KIAA1671: variants seen among roughly 807,000 people sequenced by gnomAD.
KIAA1671 encodes KIAA1671.
In KIAA1671, 52 loss-of-function variants were observed where a neutral mutation model predicts 131.2. The observed-to-expected ratio is 0.40, with a 90% CI of 0.32 to 0.50. The LOEUF is 0.50. Among genes scored for constraint, KIAA1671 ranks in the 20% least tolerant of loss-of-function variants. The pLI is 0.73. For synonymous variants in KIAA1671, 1,003 were observed against 961.6 expected, an observed-to-expected ratio of 1.04 and a Z score of -0.80; for missense variants, 2,360 against 2,364.2, an observed-to-expected ratio of 1.00 and a Z score of 0.04.
chr22:24,964,596 AT>A (rs1195082599), intron 1 of KIAA1671, among the ~76,000 whole-genome samples: 1 of 151,948 alleles, frequency 6.6e-6, no homozygotes, highest in African/African-American at 2.4e-5. Context: ...TAATTAAAAA[AT>A]TTTTTTGTAG....
intron 6 of KIAA1671, among the ~76,000 whole-genome samples, chr22:25,067,324 T>C (rs1282308293): frequency 6.6e-6 from 1 of 152,066 alleles, no homozygotes; most frequent in Non-Finnish European, 1.5e-5. Flanking sequence ...CCATTGTCAC[T>C]GCCACCTCCA....
rs974530857 is a variant in KIAA1671 at position 25,081,167 on chromosome 22, A to T, written c.4530+31803A>T. Among the ~76,000 whole-genome samples, 20 of 152,236 alleles carry T rather than the reference A, an allele frequency of 1.3e-4. 1 individual carries two copies. The highest frequency in any genetic ancestry group is 1.2e-3 in the Admixed American group (18 of 15,298). ...GATTCCAGGATGCAAATGCCATGTGACCCTGAGCAACTATTTGCCCTCTCT... is the reference window on the plus strand; with the variant it reads ...GATTCCAGGATGCAAATGCCATGTGTCCCTGAGCAACTATTTGCCCTCTCT... On this transcript the variant is annotated intron_variant, in intron 6 of 12. Coordinates refer to ENST00000358431, the MANE Select transcript of KIAA1671 (RefSeq NM_001145206.2).
At chr22:24,984,912 CAAAAA>C (rs60969204) in intron 1 of KIAA1671, among the ~76,000 whole-genome samples, 5 of 54,416 alleles carry the variant, frequency 9.2e-5, no homozygotes, top group Non-Finnish European at 1.4e-4. Context: ...GACTACGTCT[CAAAAA>C]AAAAAAAAAA....
rs1934287327 is a variant in KIAA1671 at position 25,181,835 on chromosome 22, CT to C, written c.5199+13del. On this transcript the variant is annotated intron_variant, in intron 10 of 12. Transcript: ENST00000358431. ...CGGCAGTGCTAAAGGTACCAGACCT[CT>C]CACCAAGAGTCACCTGGTGGGCATG... 2 of 1,550,410 alleles carry C rather than the reference CT, an allele frequency of 1.3e-6. No homozygotes were observed. The highest frequency in any genetic ancestry group is 1.4e-5 in the African/African-American group (1 of 73,020).
Position 25,179,291 on chromosome 22 carries a change from G to T in KIAA1671, c.5074+1769G>T, listed in dbSNP as rs944280852. 14 of 1,567,860 alleles carry T rather than the reference G, an allele frequency of 8.9e-6. 1 individual carries two copies. In the African/African-American group the frequency reaches 1.8e-4, roughly 20 times the overall value. ...GAACGTGTTCTCTCGCAGGATGGGC[G>T]CCGCCCGTCCCGGGCCCTTAGCCCG... On this transcript the variant is annotated intron_variant, in intron 9 of 12. Coordinates refer to ENST00000358431, the MANE Select transcript of KIAA1671 (RefSeq NM_001145206.2).
At chr22:24,966,484 C>T (rs995883519) in intron 1 of KIAA1671, among the ~76,000 whole-genome samples, 13 of 152,202 alleles carry the variant, frequency 8.5e-5, no homozygotes, top group African/African-American at 3.1e-4. Flanking sequence ...TTAGGGAACT[C>T]CCAGTGCCCT....
At chr22:25,160,651 C>A (rs925575078) in intron 6 of KIAA1671, among the ~76,000 whole-genome samples, 7 of 152,170 alleles carry the variant, frequency 4.6e-5, no homozygotes, top group Admixed American at 2.0e-4. Context: ...GCCAGGAGAT[C>A]AGCCCAGACC....
intron 1 of KIAA1671, among the ~76,000 whole-genome samples, chr22:24,961,171 G>A (rs767015470): frequency 1.4e-4 from 21 of 152,040 alleles, no homozygotes; most frequent in Non-Finnish European, 2.5e-4. Context: ...ACCACGCCTG[G>A]CTAATTTTTG....
intron 6 of KIAA1671, among the ~76,000 whole-genome samples, chr22:25,083,888 G>A (rs1389596391): frequency 2.0e-5 from 3 of 152,180 alleles, no homozygotes; most frequent in African/African-American, 7.2e-5. Context: ...AGGGGGGAGT[G>A]CCTGGGGCCA....
At chr22:25,014,203 T>C (rs1191752966) in intron 1 of KIAA1671, 2 of 152,180 alleles carry the variant, frequency 1.3e-5, no homozygotes, top group Admixed American at 1.3e-4. Flanking sequence ...TGGAATACGA[T>C]GAAAGCTGTA....
intron 4 of KIAA1671, among the ~76,000 whole-genome samples, chr22:25,033,957 G>A (rs1416687143): frequency 2.0e-5 from 3 of 151,730 alleles, no homozygotes; most frequent in Non-Finnish European, 4.4e-5. Context: ...AACTTGGTGA[G>A]TTTCCTATGT....
chr22:25,105,823 G>GT (rs910285094), intron 6 of KIAA1671, among the ~76,000 whole-genome samples: 2 of 149,528 alleles, frequency 1.3e-5, no homozygotes, highest in East Asian at 2.0e-4. Context: ...TGAAGTTGGG[G>GT]GGGGGGGGTG....
Position 25,041,095 on chromosome 22 carries a change from C to G in KIAA1671, c.3965C>G (p.Thr1322Arg), listed in dbSNP as rs1263815190. The stretch of plus-strand genomic sequence containing the variant: ...ATACCTGCGGATCCCAGGAAAAAAA[C>G]GGGGTTTGCTGAGGATGACAGAAAG... ...SPIPADPRKK[T>R]GFAEDDRKAF... Residue 1322 changes from threonine (T) to arginine (R), a missense_variant, in exon 5 of 13, where the codon ACG becomes AGG. Around this residue, in one of 3 missense-constraint regions of KIAA1671, gnomAD observed 1,161 missense variants for 1,204.7 expected, o/e 0.96. Transcript: ENST00000358431. The G allele has an allele frequency of 1.9e-6, 3 of 1,542,732 alleles. No homozygotes were observed. In the African/African-American group the frequency reaches 4.1e-5, roughly 21 times the overall value.
intron 6 of KIAA1671, among the ~76,000 whole-genome samples, chr22:25,151,429 CTTTTTTTTTTT>C (rs67444002): frequency 9.5e-6 from 1 of 104,764 alleles, no homozygotes; most frequent in East Asian, 2.5e-4. Context: ...AACATGAACT[CTTTTTTTTTTT>C]TTTTTTTTTG....
chr22:25,027,400 G>GCACAC (rs1206059386), intron 2 of KIAA1671, among the ~76,000 whole-genome samples: 1 of 152,178 alleles, frequency 6.6e-6, no homozygotes, highest in Non-Finnish European at 1.5e-5. Flanking sequence ...TAGATGCTTA[G>GCACAC]CACACACTTG....
At chr22:25,134,710 G>T (rs762434635) in intron 6 of KIAA1671, among the ~76,000 whole-genome samples, 3 of 152,104 alleles carry the variant, frequency 2.0e-5, no homozygotes, top group Non-Finnish European at 4.4e-5. Flanking sequence ...CTGCCGCTCT[G>T]CAGCTTTGCA....
chr22:25,028,636 G>C lies in KIAA1671; in HGVS notation c.637G>C (p.Gly213Arg). 6.4e-7 allele frequency: 1 copy of C among 1,550,700 alleles called. No individual in the cohort carries two copies. The change falls in exon 3 of 13, where the codon GGC (glycine) becomes CGC (arginine). Residue 213 changes from glycine (G) to arginine (R), a missense_variant. Around this residue, in one of 3 missense-constraint regions of KIAA1671, gnomAD observed 1,185 missense variants for 1,126.2 expected, o/e 1.05. Coordinates refer to ENST00000358431, the MANE Select transcript of KIAA1671 (RefSeq NM_001145206.2). Reference protein sequence around the residue: ...TKPPVPQEEAGQDHPPSKASS... With the variant: ...TKPPVPQEEARQDHPPSKASS... ...ACCACCTGTACCCCAAGAGGAGGCAGGCCAAGACCATCCTCCCTCAAAGGC... is the reference window on the plus strand; with the variant it reads ...ACCACCTGTACCCCAAGAGGAGGCACGCCAAGACCATCCTCCCTCAAAGGC...
chr22:25,128,169 T>C (rs1316054933), intron 6 of KIAA1671, among the ~76,000 whole-genome samples: 1 of 152,174 alleles, frequency 6.6e-6, no homozygotes, highest in East Asian at 1.9e-4. Flanking sequence ...GCAGGTGCCT[T>C]GGGGGTCTGA....
Position 25,038,515 on chromosome 22 carries a change from T to C in KIAA1671, c.1630-245T>C, listed in dbSNP as rs371216781. ...ACTTGGCCGGATAAAAGGAAATGAGTATTTTAACATCAGGATAGATACATT... is the reference window on the plus strand; with the variant it reads ...ACTTGGCCGGATAAAAGGAAATGAGCATTTTAACATCAGGATAGATACATT... On this transcript the variant is annotated intron_variant, in intron 4 of 12. Coordinates refer to ENST00000358431, the MANE Select transcript of KIAA1671 (RefSeq NM_001145206.2). Among the ~76,000 whole-genome samples, 3 of 152,138 alleles carry C rather than the reference T, an allele frequency of 2.0e-5. No individual in the cohort carries two copies. The East Asian group carries it at 5.8e-4, about 29-fold the overall frequency.
Sources: allele counts gnomAD v4.1 joint callset (sites outside exome capture counted in the v4.1 genomes callset), GRCh38; gene constraint gnomAD v4.1.1; regional missense constraint gnomAD v4.1.1; transcripts MANE v1.5; gene names NCBI Gene and HGNC (gene_info 2026-07-23, HGNC 2026-07-21).